The following LEPROTL1 variants were observed in gnomAD, a reference collection of about 807,000 sequenced individuals.
LEPROTL1 encodes the protein leptin receptor overlapping transcript-like 1.
A neutral mutation model predicts 15.4 loss-of-function variants in LEPROTL1; 6 were observed. The observed-to-expected ratio is 0.39, with a 90% CI of 0.21 to 0.77. The LOEUF (loss-of-function observed/expected upper bound fraction) is 0.77, where lower values mean the gene tolerates loss of function less well. Ranked by LOEUF, LEPROTL1 falls within the 30% of genes least tolerant of loss-of-function variation. The pLI is 0.41. For missense variants in LEPROTL1, 128 were observed against 158.1 expected, an observed-to-expected ratio of 0.81 and a Z score of 1.02; for synonymous variants, 56 against 52.6, an observed-to-expected ratio of 1.06 and a Z score of -0.28.
chr8:30,101,848 A>C, intron 1 of LEPROTL1, 50 bp from the exon 2 acceptor site: 1 of 1,143,092 alleles, frequency 8.7e-7, no homozygotes, highest in Non-Finnish European at 1.3e-6. Context: ...GATATTAATA[A>C]AAATAATATT....
At chr8:30,104,869 C>G (rs939214432) in intron 3 of LEPROTL1, 2 of 155,790 alleles carry the variant, frequency 1.3e-5, no homozygotes, top group Admixed American at 6.5e-5. Flanking sequence ...CCCGCCACCA[C>G]GCCCAGCTGA....
downstream of LEPROTL1, among the ~76,000 whole-genome samples, chr8:30,110,002 G>A (rs1232005755): frequency 3.3e-5 from 5 of 152,244 alleles, no homozygotes; most frequent in Admixed American, 3.3e-4. Context: ...GTTATTCTGA[G>A]CTCAAGATAC....
Position 30,095,497 on chromosome 8 carries a change from G to C in LEPROTL1, c.-16G>C, listed in dbSNP as rs1443356717. The C allele has an allele frequency of 6.8e-7, 1 of 1,462,708 alleles. No individual in the cohort carries two copies. The highest frequency in any genetic ancestry group is 3.0e-5 in the East Asian group (1 of 32,820). 90.6% of individuals were successfully genotyped at this position (1,462,708 alleles called of 1,614,324 possible). A position where few individuals can be genotyped will look rare whatever the true frequency, so the allele number is the denominator to read the frequency against. On this transcript the variant is annotated 5_prime_UTR_variant, in exon 1 of 4. Coordinates refer to ENST00000321250, the MANE Select transcript of LEPROTL1 (RefSeq NM_015344.3). Reference sequence around the variant, plus strand: ...CCGCCGCCTCGGGTCGTGGAGCCAGGAGCGACGTCACCGCCATGGCAGGCA... The same window carrying C: ...CCGCCGCCTCGGGTCGTGGAGCCAGCAGCGACGTCACCGCCATGGCAGGCA...
At chr8:30,121,928 G>A (rs1802834456) in intron 3 of LEPROTL1, among the ~76,000 whole-genome samples, 1 of 152,046 alleles carries the variant, frequency 6.6e-6, no homozygotes, top group African/African-American at 2.4e-5. Flanking sequence ...CACTTTGGGA[G>A]GCCAAGGTGG....
chr8:30,117,335 T>A (rs902761196), intron 3 of LEPROTL1: 4 of 789,912 alleles, frequency 5.1e-6, no homozygotes, highest in East Asian at 2.6e-5. Flanking sequence ...TTTTTTTTTT[T>A]AATTGTCTGT....
chr8:30,136,730 C>CTT (rs11390350), intron 4 of LEPROTL1, among the ~76,000 whole-genome samples: 6,947 of 143,768 alleles, frequency 0.048, 609 homozygotes, highest in African/African-American at 0.17. Context: ...TCCCCCCGAA[C>CTT]TTTTTTTTTT....
chr8:30,115,905 A>G (rs12682122), intron 3 of LEPROTL1, among the ~76,000 whole-genome samples: 130,608 of 151,858 alleles, frequency 0.86, 57,319 homozygotes, highest in South Asian at 0.98. Context: ...TTTTAGGTGG[A>G]AGTGTAAGTA....
downstream of LEPROTL1, chr8:30,137,766 C>G: frequency 2.2e-6 from 1 of 446,008 alleles, no homozygotes; most frequent in Non-Finnish European, 4.0e-6. Flanking sequence ...TTTCCCAAAA[C>G]AAACCCCCTT....
At chr8:30,135,086 T>C (rs777120815) in intron 4 of LEPROTL1, among the ~76,000 whole-genome samples, 33 of 151,174 alleles carry the variant, frequency 2.2e-4, no homozygotes, top group Middle Eastern at 3.4e-3. Context: ...GAGATGGGAT[T>C]TCACTATGTT....
chr8:30,131,413 G>A (rs956659320), intron 3 of LEPROTL1, among the ~76,000 whole-genome samples: 1 of 147,826 alleles, frequency 6.8e-6, no homozygotes, highest in Admixed American at 6.7e-5. Flanking sequence ...CCTCAGCATT[G>A]CAAAGTGCTG....
intron 1 of LEPROTL1, chr8:30,095,917 G>C: frequency 1.4e-6 from 1 of 695,468 alleles, no homozygotes; most frequent in Non-Finnish European, 2.6e-6. Context: ...TGAGAAGGCT[G>C]AGGCTGCTAG....
intron 3 of LEPROTL1, chr8:30,117,531 T>C: frequency 7.6e-7 from 1 of 1,321,050 alleles, no homozygotes. Flanking sequence ...ATCTTTGAGT[T>C]GCACATCAAA....
intron 2 of LEPROTL1, among the ~76,000 whole-genome samples, chr8:30,103,197 G>A (rs1802501577): frequency 6.6e-6 from 1 of 152,190 alleles, no homozygotes; most frequent in Non-Finnish European, 1.5e-5. Flanking sequence ...ATACTAGGCA[G>A]TCTTAAAAAG....
chr8:30,100,849 C>CTGTGTG (rs113757454), intron 1 of LEPROTL1, among the ~76,000 whole-genome samples: 206 of 150,852 alleles, frequency 1.4e-3, no homozygotes, highest in African/African-American at 4.6e-3. Flanking sequence ...AAATGTACTG[C>CTGTGTG]TGTGTGTGTG....
rs1802578489 is a variant in LEPROTL1 at position 30,106,988 on chromosome 8, C to T, written c.*1126C>T. 4 of 985,072 alleles carry T rather than the reference C, an allele frequency of 4.1e-6. 1 individual carries two copies. The Admixed American group carries it at 2.5e-4, about 61-fold the overall frequency. The allele number at this position is 985,072 out of a possible 1,614,324, so 61.0% of individuals were successfully genotyped here. A position where few individuals can be genotyped will look rare whatever the true frequency, so the allele number is the denominator to read the frequency against. On this transcript the variant is annotated 3_prime_UTR_variant, in exon 4 of 4. Transcript: ENST00000321250. ...AGGCCTTGCCATGATTAACAAGTAA[C>T]TTGTTAGTCTTACAGATAATTCATG... is the stretch of plus-strand genomic sequence containing the variant.
chr8:30,100,876 T>C (rs968374146), intron 1 of LEPROTL1, among the ~76,000 whole-genome samples: 6 of 152,224 alleles, frequency 3.9e-5, no homozygotes, highest in African/African-American at 1.4e-4. Context: ...TGTCTGTGTG[T>C]GCGCGCGTAG....
In LEPROTL1 at chr8:30,107,589, G is replaced by C; in HGVS notation, c.*1727G>C. The C allele has an allele frequency of 7.1e-6, 7 of 985,874 alleles. No homozygotes were observed. Among genetic ancestry groups the C allele is most frequent in the Non-Finnish European group, 8.4e-6 (7 of 829,934 alleles). 61.1% of individuals were successfully genotyped at this position (985,874 alleles called of 1,614,324 possible). On this transcript the variant is annotated 3_prime_UTR_variant, in exon 4 of 4. Coordinates refer to ENST00000321250, the MANE Select transcript of LEPROTL1 (RefSeq NM_015344.3). ...ATGACTTTTAGATATGAGATGACGG[G>C]AAGCAGGACGAAATATCGGCGTGTG... is the stretch of plus-strand genomic sequence containing the variant.
intron 3 of LEPROTL1, among the ~76,000 whole-genome samples, chr8:30,113,774 C>T (rs16876489): frequency 0.12 from 18,538 of 152,116 alleles, 1,368 homozygotes; most frequent in East Asian, 0.23. Context: ...TTAGTGAGAC[C>T]CTCAAGCAGT....
chr8:30,121,520 C>T (rs1802830090), intron 3 of LEPROTL1, among the ~76,000 whole-genome samples: 1 of 152,136 alleles, frequency 6.6e-6, no homozygotes, highest in Non-Finnish European at 1.5e-5. Flanking sequence ...TCCCAAGGTG[C>T]TGGGATTACA....
Sources: gnomAD v4.1 joint callset for allele counts (sites outside exome capture counted in the v4.1 genomes callset) on GRCh38, gnomAD v4.1.1 for gene constraint, MANE v1.5 for transcripts, NCBI Gene and HGNC (gene_info 2026-07-23, HGNC 2026-07-21) for gene names.